The following MTUS2 variants were observed in gnomAD, a reference collection of about 807,000 sequenced individuals.
The protein encoded by MTUS2 is microtubule-associated tumor suppressor candidate 2.
In MTUS2, 40 loss-of-function variants were observed where a neutral mutation model predicts 114.1. The observed-to-expected ratio is 0.35, with a 90% confidence interval of 0.27 to 0.46. MTUS2 has a LOEUF of 0.46. Among genes scored for constraint, MTUS2 ranks in the 20% least tolerant of loss-of-function variants. MTUS2 has a pLI of 1.00. For synonymous variants in MTUS2, 688 were observed against 672.0 expected (o/e 1.02, Z -0.37); for missense variants, 1,679 against 1,705.4 (o/e 0.98, Z 0.27).
intron 8 of MTUS2, among the ~76,000 whole-genome samples, chr13:29,438,484 C>T (rs557745102): frequency 5.9e-5 from 9 of 152,148 alleles, no homozygotes; most frequent in African/African-American, 2.2e-4. Flanking sequence ...GCCACTTTCC[C>T]GTAAACATTA....
intron 7 of MTUS2, among the ~76,000 whole-genome samples, chr13:29,354,225 T>C (rs1379494095): frequency 6.6e-6 from 1 of 151,342 alleles, no homozygotes; most frequent in Non-Finnish European, 1.5e-5. Context: ...AACCATTGTC[T>C]TGTATATTTT....
At chr13:29,337,043 G>A (rs143762003) in intron 7 of MTUS2, among the ~76,000 whole-genome samples, 11,500 of 152,206 alleles carry the variant, frequency 0.076, 1,380 homozygotes, top group African/African-American at 0.25. Context: ...TGCTGGCAGC[G>A]AGAATTTCAA....
chr13:29,394,483 A>G (rs545547249), intron 8 of MTUS2, among the ~76,000 whole-genome samples: 2 of 152,234 alleles, frequency 1.3e-5, no homozygotes, highest in African/African-American at 2.4e-5. Flanking sequence ...GGTTGTGGCA[A>G]CTACAGTCCT....
intron 5 of MTUS2, among the ~76,000 whole-genome samples, chr13:29,176,155 A>G (rs1004009327): frequency 1.3e-5 from 2 of 152,170 alleles, no homozygotes; most frequent in Non-Finnish European, 1.5e-5. Flanking sequence ...TAAATATTCA[A>G]TGAGTTCATT....
chr13:29,460,387 G>A (rs533587517), intron 9 of MTUS2, among the ~76,000 whole-genome samples: 11 of 151,914 alleles, frequency 7.2e-5, no homozygotes, highest in South Asian at 2.1e-4. Context: ...CCCCAATCCC[G>A]CCCATTACTC....
At chr13:29,066,584 A>G (rs1888676825) in intron 4 of MTUS2, among the ~76,000 whole-genome samples, 1 of 152,252 alleles carries the variant, frequency 6.6e-6, no homozygotes, top group South Asian at 2.1e-4. Context: ...TTACAAAAAC[A>G]GGTGGCTAGT....
rs577268350 is a variant in MTUS2, at chr13:29,372,821, G to A, written c.3117+13348G>A. Among the ~76,000 whole-genome samples the A allele has an allele frequency of 4.7e-4, 72 of 152,230 alleles. No individual in the cohort carries two copies. In the South Asian group the frequency reaches 0.011, roughly 23 times the overall value. On this transcript the variant is annotated intron_variant, in intron 8 of 15. Coordinates refer to ENST00000612955, the MANE Select transcript of MTUS2 (RefSeq NM_001033602.4). ...AACACACAAACTAAGCAAGGGATCCGAAAGATCTCAGTTGAGTTCCAGTTC... is the reference window on the plus strand; with the variant it reads ...AACACACAAACTAAGCAAGGGATCCAAAAGATCTCAGTTGAGTTCCAGTTC...
At chr13:29,257,253 C>T (rs988820561) in intron 5 of MTUS2, among the ~76,000 whole-genome samples, 5 of 152,300 alleles carry the variant, frequency 3.3e-5, no homozygotes, top group Admixed American at 6.5e-5. Context: ...GCGGTGGCTT[C>T]GTGTTGCCTT....
At chr13:29,020,772 A>C (rs543353482) in intron 2 of MTUS2, among the ~76,000 whole-genome samples, 1 of 151,882 alleles carries the variant, frequency 6.6e-6, no homozygotes, top group Non-Finnish European at 1.5e-5. Flanking sequence ...AATGTGTCCC[A>C]GCTCTGCCAC....
chr13:28,849,813 T>G (rs1161472), intron 2 of MTUS2, among the ~76,000 whole-genome samples: 123,824 of 151,818 alleles, frequency 0.82, 50,954 homozygotes, highest in African/African-American at 0.85. Context: ...CTGTTTTCCC[T>G]CTCCTCTCTA....
intron 1 of MTUS2, among the ~76,000 whole-genome samples, chr13:28,826,151 C>G (rs1874253528): frequency 6.6e-6 from 1 of 152,028 alleles, no homozygotes; most frequent in South Asian, 2.1e-4. Context: ...TGTAATGTAA[C>G]CAAGCACTTT....
intron 9 of MTUS2, among the ~76,000 whole-genome samples, chr13:29,458,702 A>G (rs1247091547): frequency 6.6e-6 from 1 of 152,148 alleles, no homozygotes; most frequent in East Asian, 1.9e-4. Flanking sequence ...TCCATAGTCA[A>G]AAGTCTTATT....
At chr13:28,899,116 G>A (rs770648243) in intron 2 of MTUS2, among the ~76,000 whole-genome samples, 2 of 152,114 alleles carry the variant, frequency 1.3e-5, no homozygotes, top group Non-Finnish European at 2.9e-5. Context: ...TGAGGTAATT[G>A]TAGATTCACA....
chr13:28,969,591 C>T (rs1190859681), intron 2 of MTUS2, among the ~76,000 whole-genome samples: 1 of 152,044 alleles, frequency 6.6e-6, no homozygotes, highest in African/African-American at 2.4e-5. Flanking sequence ...CCACATCCGC[C>T]TCCCGGGTTC....
chr13:29,433,902 A>C (rs1266370647), intron 8 of MTUS2, among the ~76,000 whole-genome samples: 1 of 152,210 alleles, frequency 6.6e-6, no homozygotes, highest in Admixed American at 6.5e-5. Context: ...TCACAATTTT[A>C]AAAGATCTGG....
At chr13:29,209,661 A>G (rs566689858) in intron 5 of MTUS2, among the ~76,000 whole-genome samples, 1 of 152,244 alleles carries the variant, frequency 6.6e-6, no homozygotes, top group South Asian at 2.1e-4. Flanking sequence ...TGTCTGAAAA[A>G]GACTGTATCT....
At chr13:29,401,872 T>A (rs995114356) in intron 8 of MTUS2, among the ~76,000 whole-genome samples, 2 of 152,156 alleles carry the variant, frequency 1.3e-5, no homozygotes, top group Non-Finnish European at 2.9e-5. Context: ...CCTGTCAAAT[T>A]TGAAAGAAAA....
intron 8 of MTUS2, among the ~76,000 whole-genome samples, chr13:29,389,201 A>C (rs1872844462): frequency 7.7e-6 from 1 of 130,032 alleles, no homozygotes; most frequent in Admixed American, 7.7e-5. Context: ...CTATATAGAT[A>C]TATATTTTTT....
chr13:29,189,052 T>A (rs1373557753), intron 5 of MTUS2, among the ~76,000 whole-genome samples: 1 of 152,216 alleles, frequency 6.6e-6, no homozygotes, highest in Non-Finnish European at 1.5e-5. Flanking sequence ...AGATCAGCGG[T>A]GACCCTGGGG....
Sources: gnomAD v4.1 joint callset for allele counts (sites outside exome capture counted in the v4.1 genomes callset) on GRCh38, gnomAD v4.1.1 for gene constraint, MANE v1.5 for transcripts, NCBI Gene and HGNC (gene_info 2026-07-23, HGNC 2026-07-21) for gene names.